The following ATP2B4 variants were observed in gnomAD, a reference collection of about 807,000 sequenced individuals.
The protein encoded by ATP2B4 is plasma membrane calcium-transporting ATPase 4.
ATP2B4 carries 39 observed loss-of-function variants against 110.3 expected under a neutral mutation model. The observed-to-expected ratio is 0.35, with a 90% confidence interval of 0.27 to 0.46. ATP2B4 has a LOEUF of 0.46. ATP2B4 is among the 20% of genes least tolerant of loss of function. ATP2B4 has a pLI of 1.00. For synonymous variants in ATP2B4, 538 were observed against 571.7 expected (o/e 0.94, Z 0.84); for missense variants, 1,135 against 1,530.9 (o/e 0.74, Z 4.32).
chr1:203,688,009 T>G lies in ATP2B4; in HGVS notation c.193+4611T>G, dbSNP rs1303579951. On this transcript the variant is annotated intron_variant, in intron 2 of 20. Transcript: ENST00000357681. ...GAGAGAAAGAGATTATTATTATTAT[T>G]ATTATTATTATTATTATTATTATTA... Among the ~76,000 whole-genome samples, 254 of 145,294 alleles carry G rather than the reference T, an allele frequency of 1.7e-3. 1 individual carries two copies. Among genetic ancestry groups the G allele is most frequent in the South Asian group, 6.6e-3 (31 of 4,664 alleles).
chr1:203,639,179 C>T (rs1247041883), intron 1 of ATP2B4, among the ~76,000 whole-genome samples: 1 of 152,222 alleles, frequency 6.6e-6, no homozygotes, highest in Non-Finnish European at 1.5e-5. Context: ...GTCAGGTTGG[C>T]TGCTGAGCTC....
At chr1:203,709,203 T>C (rs1665934123) in intron 10 of ATP2B4, 98 bp from the exon 11 acceptor site, 1 of 1,476,234 alleles carries the variant, frequency 6.8e-7, no homozygotes, top group Non-Finnish European at 9.3e-7. Context: ...GCTCCAGGTA[T>C]ATAATGTGAA....
At chr1:203,698,446 G>A in intron 3 of ATP2B4, 92 bp downstream of exon 3, 1 of 1,376,270 alleles carries the variant, frequency 7.3e-7, no homozygotes, top group East Asian at 2.3e-5. Flanking sequence ...ACAGGTTATA[G>A]CTTAAAACAT....
intron 9 of ATP2B4, among the ~76,000 whole-genome samples, chr1:203,707,517 G>A (rs1163858226): frequency 7.9e-5 from 12 of 151,364 alleles, no homozygotes; most frequent in Non-Finnish European, 8.8e-5. Flanking sequence ...TGCAACCTCC[G>A]CCTCCCGGGT....
chr1:203,648,982 T>C (rs2102315169), intron 1 of ATP2B4, among the ~76,000 whole-genome samples: 1 of 152,246 alleles, frequency 6.6e-6, no homozygotes, highest in African/African-American at 2.4e-5. Context: ...TCAGATAATA[T>C]CCTCTTGAAT....
At chr1:203,708,765 G>A (rs1665920633) in intron 10 of ATP2B4, among the ~76,000 whole-genome samples, 1 of 152,136 alleles carries the variant, frequency 6.6e-6, no homozygotes, top group South Asian at 2.1e-4. Flanking sequence ...TGAGGTGGGA[G>A]GATCACTTGA....
chr1:203,702,398 C>T (rs916762354), intron 7 of ATP2B4, among the ~76,000 whole-genome samples: 1 of 152,186 alleles, frequency 6.6e-6, no homozygotes, highest in African/African-American at 2.4e-5. Flanking sequence ...CTGATTTAAA[C>T]ACCAACAGTC....
Position 203,740,564 on chromosome 1 carries a change from GTTT to G in ATP2B4, c.*711_*713del, listed in dbSNP as rs1666978399. On this transcript the variant is annotated 3_prime_UTR_variant, in exon 21 of 21. Coordinates refer to ENST00000357681, the MANE Select transcript of ATP2B4 (RefSeq NM_001684.5). ...TTGATTTAGTTCCAGAATCCAACCA[GTTT>G]CTTTGTTAAAAGGGTCCTTTTGAAG... The G allele has an allele frequency of 6.6e-6, 1 of 151,544 alleles. No individual in the cohort carries two copies. Among genetic ancestry groups the G allele is most frequent in the Non-Finnish European group, 1.5e-5 (1 of 67,964 alleles). The allele number at this position is 151,544 out of a possible 1,614,324, so 9.4% of individuals were successfully genotyped here. A position where few individuals can be genotyped will look rare whatever the true frequency, so the allele number is the denominator to read the frequency against.
Position 203,707,988 on chromosome 1 carries a change from T to G in ATP2B4, c.1441T>G (p.Tyr481Asp). 6.2e-7 allele frequency: 1 copy of G among 1,614,188 alleles called. No homozygotes were observed. The highest frequency in any genetic ancestry group is 8.5e-7 in the Non-Finnish European group (1 of 1,180,040). ...GAACCGCATGACTGTGGTACAAGCT[T>G]ATATTGGGGGCATCCATTACCGTCA... The part of the protein sequence containing the change: ...TMNRMTVVQA[Y>D]IGGIHYRQIP... Residue 481 changes from tyrosine (Y) to aspartate (D), a missense_variant, in exon 10 of 21, where the codon TAT becomes GAT. By Grantham distance (160) the Tyr-to-Asp change is radical. This residue lies in a region of ATP2B4 where 368 missense variants were observed against 455.9 expected (regional missense o/e 0.81). Coordinates refer to ENST00000357681, the MANE Select transcript of ATP2B4 (RefSeq NM_001684.5).
intron 1 of ATP2B4, among the ~76,000 whole-genome samples, chr1:203,666,122 G>T (rs1312117379): frequency 1.3e-5 from 2 of 152,222 alleles, no homozygotes; most frequent in African/African-American, 2.4e-5. Context: ...TGCCACAGTT[G>T]CTGCTTCTGG....
chr1:203,733,133 C>G, intron 20 of ATP2B4: 3 of 1,306,698 alleles, frequency 2.3e-6, no homozygotes, highest in Non-Finnish European at 3.1e-6. Flanking sequence ...TTCCTGCTTC[C>G]CCAACCTTCC....
intron 20 of ATP2B4, among the ~76,000 whole-genome samples, chr1:203,737,430 G>A (rs2102241818): frequency 6.6e-6 from 1 of 152,310 alleles, no homozygotes. Context: ...CTTTGATGGA[G>A]TGGGATGACT....
chr1:203,638,672 A>G (rs1173336082), intron 1 of ATP2B4, among the ~76,000 whole-genome samples: 1 of 152,058 alleles, frequency 6.6e-6, no homozygotes, highest in Non-Finnish European at 1.5e-5. Context: ...CGACCCCATC[A>G]CTGCAACACT....
chr1:203,732,946 G>A (rs369116819), intron 20 of ATP2B4, among the ~76,000 whole-genome samples: 3 of 152,118 alleles, frequency 2.0e-5, no homozygotes, highest in East Asian at 3.9e-4. Flanking sequence ...TGCCCACTGT[G>A]GATTCAAAGG....
intron 1 of ATP2B4, among the ~76,000 whole-genome samples, chr1:203,681,902 T>C (rs10751452): frequency 0.83 from 124,849 of 150,034 alleles, 52,779 homozygotes; most frequent in East Asian, 1. Context: ...TCCCTATCTT[T>C]CCTCCTCAGA....
chr1:203,736,138 G>C (rs935139192), intron 20 of ATP2B4, among the ~76,000 whole-genome samples: 1 of 152,164 alleles, frequency 6.6e-6, no homozygotes, highest in South Asian at 2.1e-4. Context: ...CCTGCATAGG[G>C]AGGCCCTAAT....
Position 203,739,753 on chromosome 1 carries a change from G to A in ATP2B4, c.3517G>A (p.Val1173Ile), listed in dbSNP as rs1239671863. The A allele has an allele frequency of 6.2e-7, 1 of 1,614,164 alleles. No individual in the cohort carries two copies. The highest frequency in any genetic ancestry group is 1.3e-5 in the African/African-American group (1 of 75,052). Residue 1173 changes from valine (V) to isoleucine (I), a missense_variant, in exon 21 of 21, where the codon GTC becomes ATC. Physicochemically the swap from Val to Ile is conservative, Grantham distance 29. Transcript: ENST00000357681. Reference protein sequence around the residue: ...GTRVLLLDGEVTPYANTNNNA... With the variant: ...GTRVLLLDGEITPYANTNNNA... Reference sequence around the variant, plus strand: ...TAGGGTGCTCCTGTTGGATGGTGAGGTCACTCCATATGCCAATACAAACAA... The same window carrying A: ...TAGGGTGCTCCTGTTGGATGGTGAGATCACTCCATATGCCAATACAAACAA...
rs181764049 is a variant in ATP2B4, at chr1:203,693,819, G to A, written c.194-4338G>A. ...GGTGGCCAACCATCCCGGTTTGCCCGGGACTGAGCGGGGTTCCCAGGAGGC... is the reference window on the plus strand; with the variant it reads ...GGTGGCCAACCATCCCGGTTTGCCCAGGACTGAGCGGGGTTCCCAGGAGGC... On this transcript the variant is annotated intron_variant, in intron 2 of 20. Transcript: ENST00000357681. Among the ~76,000 whole-genome samples the A allele has an allele frequency of 4.6e-5, 7 of 152,278 alleles. No individual in the cohort carries two copies. The East Asian group carries it at 7.7e-4, about 17-fold the overall frequency.
chr1:203,718,626 T>C (rs745685725), intron 15 of ATP2B4, among the ~76,000 whole-genome samples: 3 of 152,106 alleles, frequency 2.0e-5, no homozygotes, highest in Non-Finnish European at 4.4e-5. Context: ...TTCCCTGATT[T>C]TATGTTTGTA....
Sources: gnomAD v4.1 joint callset for allele counts (sites outside exome capture counted in the v4.1 genomes callset) on GRCh38, gnomAD v4.1.1 for gene constraint, gnomAD v4.1.1 regional missense constraint, MANE v1.5 for transcripts, NCBI Gene and HGNC (gene_info 2026-07-23, HGNC 2026-07-21) for gene names.